The following KAT6A variants were observed in gnomAD, a reference collection of about 807,000 sequenced individuals.
KAT6A encodes the protein histone acetyltransferase KAT6A.
KAT6A carries 9 observed loss-of-function variants against 198.4 expected under a neutral mutation model. That is an observed-to-expected ratio of 0.05 (90% CI 0.03 to 0.08). KAT6A has a LOEUF of 0.08. KAT6A is among the 10% of genes least tolerant of loss of function. The probability of loss-of-function intolerance (pLI) is 1.00; values close to 1 mark genes in which losing one functional copy is unlikely to be tolerated. For missense variants in KAT6A, 2,077 were observed against 2,509.9 expected (o/e 0.83, Z 3.69); for synonymous variants, 890 against 883.0 (o/e 1.01, Z -0.14).
At chr8:41,998,452 A>C (rs1825333303) in intron 2 of KAT6A, among the ~76,000 whole-genome samples, 1 of 152,082 alleles carries the variant, frequency 6.6e-6, no homozygotes, top group Admixed American at 6.5e-5. Flanking sequence ...CAAGTTTTTC[A>C]TTCTTTCACT....
chr8:42,021,431 TA>T (rs1280304266), intron 2 of KAT6A, among the ~76,000 whole-genome samples: 5 of 152,218 alleles, frequency 3.3e-5, no homozygotes, highest in African/African-American at 9.6e-5. Context: ...ACACAATCTT[TA>T]AAAAGGTAAG....
chr8:42,047,527 G>A lies in KAT6A; in HGVS notation c.600+851C>T, dbSNP rs189205365. Among the ~76,000 whole-genome samples the A allele has an allele frequency of 2.8e-3, 431 of 152,126 alleles. 1 individual carries two copies. Among genetic ancestry groups the A allele is most frequent in the Non-Finnish European group, 5.1e-3 (350 of 67,998 alleles). On this transcript the variant is annotated intron_variant, in intron 2 of 16. Coordinates refer to ENST00000265713, the MANE Select transcript of KAT6A (RefSeq NM_006766.5). Reference sequence around the variant, plus strand: ...CACCTGTACTCAAGCAATCCTCCCCGACACAGCCTCCCAAGTAGCTAGGAC... The same window carrying A: ...CACCTGTACTCAAGCAATCCTCCCCAACACAGCCTCCCAAGTAGCTAGGAC...
chr8:41,969,941 A>G (rs1474731963), intron 8 of KAT6A, among the ~76,000 whole-genome samples: 1 of 152,158 alleles, frequency 6.6e-6, no homozygotes, highest in South Asian at 2.1e-4. Context: ...TTTTGGAACT[A>G]TGTATAAATT....
chr8:42,006,886 C>T (rs563283764), intron 2 of KAT6A, among the ~76,000 whole-genome samples: 53 of 150,484 alleles, frequency 3.5e-4, no homozygotes, highest in Middle Eastern at 3.5e-3. Flanking sequence ...ATCCCAGCTA[C>T]TTGGGAGGCT....
chr8:41,949,168 G>T (rs763992677), intron 10 of KAT6A, 54 bp downstream of exon 10: 1 of 1,234,008 alleles, frequency 8.1e-7, no homozygotes, highest in Admixed American at 3.4e-5. Context: ...ATGCAATATA[G>T]GTGGCCCTAC....
At chr8:41,953,600 A>C (rs1472058706) in intron 9 of KAT6A, among the ~76,000 whole-genome samples, 1 of 152,038 alleles carries the variant, frequency 6.6e-6, no homozygotes, top group Non-Finnish European at 1.5e-5. Flanking sequence ...CAGCCTCCTG[A>C]GTAGCTGGGA....
At position 41,929,952 on chromosome 8, in the gene KAT6A, C is replaced by T. The variant is rs1360651102; in HGVS notation, c.*2253G>A. The T allele has an allele frequency of 4.6e-6, 1 of 218,190 alleles. No homozygotes were observed. Among genetic ancestry groups the T allele is most frequent in the East Asian group, 6.7e-5 (1 of 14,878 alleles). 13.5% of individuals were successfully genotyped at this position (218,190 alleles called of 1,614,324 possible). On this transcript the variant is annotated 3_prime_UTR_variant, in exon 17 of 17. Transcript: ENST00000265713. ...TAAATTTCTTTTTTAGAAGATTACCCAAGTTATCTTGCTAAAAATACATTT... is the reference window on the plus strand; with the variant it reads ...TAAATTTCTTTTTTAGAAGATTACCTAAGTTATCTTGCTAAAAATACATTT...
chr8:41,951,041 C>A (rs1024079124), intron 9 of KAT6A, among the ~76,000 whole-genome samples: 1 of 151,886 alleles, frequency 6.6e-6, no homozygotes, highest in Non-Finnish European at 1.5e-5. Flanking sequence ...CTTACAGTAA[C>A]CAAATTGCTC....
At chr8:41,998,351 T>C (rs1825327433) in intron 2 of KAT6A, among the ~76,000 whole-genome samples, 1 of 152,156 alleles carries the variant, frequency 6.6e-6, no homozygotes, top group Non-Finnish European at 1.5e-5. Flanking sequence ...AACTCATCCT[T>C]TGTTGGAAAG....
rs60247515 is a variant in KAT6A at position 41,946,493 on chromosome 8, TACACACACACACACACAC to T, written c.1996+80_1996+97del. On this transcript the variant is annotated intron_variant, in intron 12 of 16. Coordinates refer to ENST00000265713, the MANE Select transcript of KAT6A (RefSeq NM_006766.5). ...CTACAAATCTTTAAATATATATATATACACACACACACACACACACACACACACACACACACACACACA... is the reference window on the plus strand; with the variant it reads ...CTACAAATCTTTAAATATATATATATACACACACACACACACACACACACA... 106 of 323,610 alleles carry T rather than the reference TACACACACACACACACAC, an allele frequency of 3.3e-4. 1 individual carries two copies. In the East Asian group the frequency reaches 3.3e-3, roughly 10 times the overall value. 20.0% of individuals were successfully genotyped at this position (323,610 alleles called of 1,614,324 possible). A position where few individuals can be genotyped will look rare whatever the true frequency, so the allele number is the denominator to read the frequency against.
At chr8:41,950,397 T>C (rs1157966215) in intron 9 of KAT6A, among the ~76,000 whole-genome samples, 1 of 152,184 alleles carries the variant, frequency 6.6e-6, no homozygotes, top group East Asian at 1.9e-4. Context: ...GGATTCTGAG[T>C]AATTTCTTCT....
intron 2 of KAT6A, among the ~76,000 whole-genome samples, chr8:42,031,595 A>C (rs1189513410): frequency 1.3e-5 from 2 of 151,372 alleles, no homozygotes; most frequent in African/African-American, 2.4e-5. Context: ...GATCTATGAA[A>C]TAAATATTGA....
chr8:41,934,400 C>T lies in KAT6A; in HGVS notation c.3820G>A (p.Glu1274Lys). The stretch of plus-strand genomic sequence containing the variant: ...TCCTCTGAGACACGGGGCTTCTCTT[C>T]TTCCTCCTCCACCTCAGGCTCCTTG... ...ETKEPEVEEE[E>K]EKPRVSEEQR... Residue 1274 changes from glutamate to lysine, a missense_variant, in exon 17 of 17, where the codon GAA becomes AAA. Glu to Lys is a moderately conservative substitution (Grantham distance 56, BLOSUM62 1). This residue lies in a region of KAT6A where 375 missense variants were observed against 383.0 expected (regional missense o/e 0.98). Transcript: ENST00000265713. The T allele has an allele frequency of 6.2e-7, 1 of 1,613,268 alleles. No individual in the cohort carries two copies. The highest frequency in any genetic ancestry group is 8.5e-7 in the Non-Finnish European group (1 of 1,179,604).
At chr8:41,944,615 T>C (rs1822289042) in intron 12 of KAT6A, among the ~76,000 whole-genome samples, 1 of 152,166 alleles carries the variant, frequency 6.6e-6, no homozygotes, top group African/African-American at 2.4e-5. Flanking sequence ...TTTACTGTCA[T>C]TAAAGAAAAC....
rs1033426796 is a variant in KAT6A at position 41,930,868 on chromosome 8, G to C, written c.*1337C>G. On this transcript the variant is annotated 3_prime_UTR_variant, in exon 17 of 17. Coordinates refer to ENST00000265713, the MANE Select transcript of KAT6A (RefSeq NM_006766.5). ...TTGCGTTATAACATTCTGCTGTCCA[G>C]ATCTGCCCTACTGTGCTGGTGGTCG... 4.7e-6 allele frequency: 1 copy of C among 212,764 alleles called. No individual in the cohort carries two copies. The highest frequency in any genetic ancestry group is 2.3e-5 in the African/African-American group (1 of 43,734). The allele number at this position is 212,764 out of a possible 1,614,324, so 13.2% of individuals were successfully genotyped here.
rs922289178 is a variant in KAT6A at position 41,980,790 on chromosome 8, C to A, written c.907+56G>T. 9 of 1,178,248 alleles carry A rather than the reference C, an allele frequency of 7.6e-6. No individual in the cohort carries two copies. In the African/African-American group the frequency reaches 1.2e-4, roughly 16 times the overall value. The allele number at this position is 1,178,248 out of a possible 1,614,324, so 73.0% of individuals were successfully genotyped here. A position where few individuals can be genotyped will look rare whatever the true frequency, so the allele number is the denominator to read the frequency against. On this transcript the variant is annotated intron_variant, in intron 5 of 16. Transcript: ENST00000265713. Reference sequence around the variant, plus strand: ...CATTTAACAAAGTAGATAAAATGTGCTTTCACTAACATCCTCCTTTATATT... The same window carrying A: ...CATTTAACAAAGTAGATAAAATGTGATTTCACTAACATCCTCCTTTATATT...
chr8:41,938,648 A>T (rs1390695902), intron 15 of KAT6A, among the ~76,000 whole-genome samples: 1 of 152,138 alleles, frequency 6.6e-6, no homozygotes, highest in African/African-American at 2.4e-5. Flanking sequence ...ACAACAGTAT[A>T]TATGTTAAAC....
intron 3 of KAT6A, 47 bp from the exon 4 acceptor site, chr8:41,982,001 T>A: frequency 1.8e-6 from 2 of 1,119,936 alleles, no homozygotes; most frequent in South Asian, 1.3e-5. Flanking sequence ...AAGAACTATT[T>A]TGCTATTATA....
intron 7 of KAT6A, among the ~76,000 whole-genome samples, chr8:41,975,953 A>G (rs1210165141): frequency 1.3e-5 from 2 of 152,226 alleles, no homozygotes. Context: ...ATATTTTCTT[A>G]GATAAACATG....
Sources: gnomAD v4.1 joint callset for allele counts (sites outside exome capture counted in the v4.1 genomes callset) on GRCh38, gnomAD v4.1.1 for gene constraint, gnomAD v4.1.1 regional missense constraint, MANE v1.5 for transcripts, NCBI Gene and HGNC (gene_info 2026-07-23, HGNC 2026-07-21) for gene names.